KHDRBS3: variants seen among roughly 807,000 people sequenced by gnomAD.
KHDRBS3 encodes KH domain-containing, RNA-binding, signal transduction-associated protein 3.
Under a neutral mutation model 45.6 loss-of-function variants are expected in KHDRBS3, and 23 were observed. That is an observed-to-expected ratio of 0.50 (90% CI 0.36 to 0.72). The LOEUF (loss-of-function observed/expected upper bound fraction) is 0.72. Ranked by LOEUF, KHDRBS3 falls within the 30% of genes least tolerant of loss-of-function variation. The pLI is 0.00. For missense variants in KHDRBS3, 352 were observed against 424.8 expected, an observed-to-expected ratio of 0.83 and a Z score of 1.51; for synonymous variants, 162 against 156.5, an observed-to-expected ratio of 1.04 and a Z score of -0.26.
chr8:135,589,201 C>T (rs999093100), intron 6 of KHDRBS3, among the ~76,000 whole-genome samples: 4 of 152,194 alleles, frequency 2.6e-5, no homozygotes, highest in African/African-American at 9.6e-5. Context: ...TCCTCAGTTG[C>T]ACCTTTGCTT....
chr8:135,532,666 C>T (rs541506571), intron 2 of KHDRBS3, among the ~76,000 whole-genome samples: 2 of 151,810 alleles, frequency 1.3e-5, no homozygotes, highest in East Asian at 1.9e-4. Flanking sequence ...TTCCTGTTGA[C>T]GTGAAAAAAA....
At chr8:135,573,944 A>T (rs1384813547) in intron 5 of KHDRBS3, among the ~76,000 whole-genome samples, 1 of 152,170 alleles carries the variant, frequency 6.6e-6, no homozygotes, top group African/African-American at 2.4e-5. Context: ...CTCTTCTGTT[A>T]CACTCAGTTT....
chr8:135,556,463 A>G (rs988189074), intron 4 of KHDRBS3, among the ~76,000 whole-genome samples: 1 of 152,008 alleles, frequency 6.6e-6, no homozygotes, highest in African/African-American at 2.4e-5. Flanking sequence ...TGTGGTTTTG[A>G]TTGCATTTCT....
rs752747594 is a variant in KHDRBS3, at chr8:135,582,048, C to T, written c.782C>T (p.Pro261Leu). The T allele has an allele frequency of 3.7e-5, 59 of 1,582,798 alleles. No individual in the cohort carries two copies. Among genetic ancestry groups the T allele is most frequent in the East Asian group, 2.5e-4 (11 of 43,882 alleles). The change falls in exon 6 of 9, where the codon CCG (proline) becomes CTG (leucine). Residue 261 changes from proline to leucine, a missense_variant. Coordinates refer to ENST00000355849, the MANE Select transcript of KHDRBS3 (RefSeq NM_006558.3). ...PTGYRPPPPPPTQETYGEYDY... is the reference protein window; with the variant it reads ...PTGYRPPPPPLTQETYGEYDY... ...GGGTACAGACCTCCACCGCCACCCC[C>T]GACACAAGAGACTTATGGAGAATAT...
intron 7 of KHDRBS3, among the ~76,000 whole-genome samples, chr8:135,612,239 A>G (rs1188372260): frequency 2.6e-5 from 4 of 151,744 alleles, no homozygotes; most frequent in Non-Finnish European, 5.9e-5. Flanking sequence ...ATTCCTGTTT[A>G]TATTTCCCAT....
At chr8:135,644,171 T>C (rs1447226794) in intron 7 of KHDRBS3, among the ~76,000 whole-genome samples, 3 of 152,224 alleles carry the variant, frequency 2.0e-5, no homozygotes, top group Admixed American at 1.3e-4. Context: ...CACAAGTCTA[T>C]TCCTGTAAAA....
chr8:135,484,852 T>G (rs28505070), intron 1 of KHDRBS3, among the ~76,000 whole-genome samples: 5,776 of 152,256 alleles, frequency 0.038, 358 homozygotes, highest in African/African-American at 0.13. Context: ...ATTTATATAT[T>G]TTAAGTTGAC....
chr8:135,623,309 C>T (rs1830224589), intron 7 of KHDRBS3, among the ~76,000 whole-genome samples: 1 of 152,160 alleles, frequency 6.6e-6, no homozygotes, highest in Non-Finnish European at 1.5e-5. Flanking sequence ...TAACAAGCTA[C>T]AGTAAAAATA....
chr8:135,486,177 GTC>G (rs1442339860), intron 1 of KHDRBS3, among the ~76,000 whole-genome samples: 3 of 152,092 alleles, frequency 2.0e-5, no homozygotes, highest in African/African-American at 7.2e-5. Context: ...GATGAGGTGA[GTC>G]TCTTTCCAGT....
At chr8:135,490,964 T>A (rs1325070463) in intron 1 of KHDRBS3, among the ~76,000 whole-genome samples, 1 of 152,216 alleles carries the variant, frequency 6.6e-6, no homozygotes, top group East Asian at 1.9e-4. Context: ...TAAACATTAC[T>A]TGTCAGAGAT....
chr8:135,587,152 C>T (rs1276460893), intron 6 of KHDRBS3, among the ~76,000 whole-genome samples: 1 of 152,154 alleles, frequency 6.6e-6, no homozygotes, highest in Non-Finnish European at 1.5e-5. Context: ...TATTGAAATT[C>T]GTCTGATATT....
At position 135,457,959 on chromosome 8, in the gene KHDRBS3, G is replaced by A. The variant is rs2130027051; in HGVS notation, c.88+5G>A. The A allele has an allele frequency of 2.5e-6, 4 of 1,587,124 alleles. No homozygotes were observed. The highest frequency in any genetic ancestry group is 3.4e-4 in the Middle Eastern group (2 of 5,878). ...CCCTGCGCCTGGTGAACCAAGGTGA[G>A]GCGCCGGCCGTTAACTGCCGGCCGG... On this transcript the variant is annotated splice_donor_5th_base_variant and intron_variant, in intron 1 of 8. Coordinates refer to ENST00000355849, the MANE Select transcript of KHDRBS3 (RefSeq NM_006558.3). This position sits in a 1 kb window ranked among gnomAD's most constrained non-coding sequence, Gnocchi z 4.4.
intron 1 of KHDRBS3, among the ~76,000 whole-genome samples, chr8:135,484,933 T>C (rs1822771455): frequency 6.6e-6 from 1 of 152,232 alleles, no homozygotes; most frequent in Admixed American, 6.5e-5. Context: ...TTATAGATGC[T>C]ATTTGTCGAG....
At chr8:135,565,053 T>A (rs2317282) in intron 5 of KHDRBS3, among the ~76,000 whole-genome samples, 10,913 of 152,202 alleles carry the variant, frequency 0.072, 465 homozygotes, top group East Asian at 0.18. Flanking sequence ...CTGCGAGTCT[T>A]GTTCCATTGG....
At chr8:135,602,190 C>A (rs1829246374) in intron 6 of KHDRBS3, among the ~76,000 whole-genome samples, 1 of 152,168 alleles carries the variant, frequency 6.6e-6, no homozygotes, top group Admixed American at 6.5e-5. Flanking sequence ...TCCCTGTGCT[C>A]CCTACCTGGA....
At chr8:135,545,419 T>C (rs1460911033) in intron 3 of KHDRBS3, among the ~76,000 whole-genome samples, 1 of 152,184 alleles carries the variant, frequency 6.6e-6, no homozygotes, top group African/African-American at 2.4e-5. Context: ...CTCAAAGTTA[T>C]TTGAATCCTC....
intron 1 of KHDRBS3, among the ~76,000 whole-genome samples, chr8:135,507,030 C>T (rs988068704): frequency 3.3e-5 from 5 of 151,944 alleles, no homozygotes; most frequent in African/African-American, 1.2e-4. Flanking sequence ...ATCTTTTTTC[C>T]TAATTATCTG....
At chr8:135,583,470 T>C (rs1828313953) in intron 6 of KHDRBS3, among the ~76,000 whole-genome samples, 1 of 152,224 alleles carries the variant, frequency 6.6e-6, no homozygotes, top group Non-Finnish European at 1.5e-5. Context: ...GAGTAAATCT[T>C]AAATTCCTTT....
chr8:135,538,148 G>T (rs1825868274), intron 2 of KHDRBS3, among the ~76,000 whole-genome samples: 1 of 152,170 alleles, frequency 6.6e-6, no homozygotes, highest in Non-Finnish European at 1.5e-5. Context: ...GTAGTGGCAG[G>T]ATGGGACAGT....
Sources: allele counts gnomAD v4.1 joint callset (sites outside exome capture counted in the v4.1 genomes callset), GRCh38; gene constraint gnomAD v4.1.1; non-coding constraint Gnocchi (gnomAD v3.1); transcripts MANE v1.5; gene names NCBI Gene and HGNC (gene_info 2026-07-23, HGNC 2026-07-21).